The following PDE9A variants were observed in gnomAD, a reference collection of about 807,000 sequenced individuals.
PDE9A encodes the protein high affinity cGMP-specific 3',5'-cyclic phosphodiesterase 9A.
Under a neutral mutation model 87.4 loss-of-function variants are expected in PDE9A, and 60 were observed. The observed-to-expected ratio is 0.69, with a 90% CI of 0.56 to 0.85. The LOEUF (loss-of-function observed/expected upper bound fraction) is 0.85, where lower values mean the gene tolerates loss of function less well. Among genes scored for constraint, PDE9A ranks in the 40% least tolerant of loss-of-function variants. The pLI is 0.00. For synonymous variants in PDE9A, 272 were observed against 279.4 expected, an observed-to-expected ratio of 0.97 and a Z score of 0.27; for missense variants, 665 against 779.0, an observed-to-expected ratio of 0.85 and a Z score of 1.74.
chr21:42,697,025 C>T (rs2060178186), intron 3 of PDE9A, among the ~76,000 whole-genome samples: 1 of 152,196 alleles, frequency 6.6e-6, no homozygotes, highest in South Asian at 2.1e-4. Context: ...TGAGGCAGGG[C>T]CTCTCCTGAG....
chr21:42,684,105 C>G (rs2059314809), intron 1 of PDE9A, among the ~76,000 whole-genome samples: 1 of 152,238 alleles, frequency 6.6e-6, no homozygotes, highest in African/African-American at 2.4e-5. Context: ...AGGGCCCAAC[C>G]CGGACCCACT....
chr21:42,658,492 C>CT (rs1329431219), intron 1 of PDE9A, among the ~76,000 whole-genome samples: 1 of 152,240 alleles, frequency 6.6e-6, no homozygotes, highest in Non-Finnish European at 1.5e-5. Context: ...TACCCGGCTC[C>CT]TGCGTGCCTT....
At chr21:42,732,010 T>C (rs532483365) in intron 5 of PDE9A, 60 bp from the exon 6 acceptor site, 2 of 1,611,974 alleles carry the variant, frequency 1.2e-6, no homozygotes, top group Middle Eastern at 1.7e-4. Context: ...CGGGCTGCAA[T>C]GGCCTACACA....
At chr21:42,742,656 A>G (rs113279197) in intron 7 of PDE9A, among the ~76,000 whole-genome samples, 3 of 151,938 alleles carry the variant, frequency 2.0e-5, no homozygotes, top group African/African-American at 4.8e-5. Context: ...TAGTAGAGAC[A>G]GGGTTTCACT....
At chr21:42,747,463 C>T (rs1333260081) in intron 8 of PDE9A, among the ~76,000 whole-genome samples, 5 of 152,244 alleles carry the variant, frequency 3.3e-5, no homozygotes. Context: ...TGTGGAGCTA[C>T]ATTCAGCCCA....
At chr21:42,685,483 T>TTTTTTTTTTTTA (rs71190435) in intron 1 of PDE9A, among the ~76,000 whole-genome samples, 2 of 149,966 alleles carry the variant, frequency 1.3e-5, no homozygotes, top group African/African-American at 4.9e-5. Flanking sequence ...TTTTTTTTTT[T>TTTTTTTTTTTTA]GAGACGGAGT....
chr21:42,707,532 A>C (rs993238464), intron 4 of PDE9A, among the ~76,000 whole-genome samples: 1 of 152,110 alleles, frequency 6.6e-6, no homozygotes, highest in African/African-American at 2.4e-5. Context: ...CCTGTACATC[A>C]ACTCACCCTC....
At position 42,722,196 on chromosome 21, in the gene PDE9A, T is replaced by C. The variant is rs1335545187; in HGVS notation, c.263-9574T>C. On this transcript the variant is annotated intron_variant, in intron 4 of 19. Transcript: ENST00000291539. This position sits in a 1 kb window ranked among gnomAD's most constrained non-coding sequence, Gnocchi z 4.1. ...TTTCACCATGTTGGCCAGGATGGTC[T>C]TGAACTTCTGACCTCATGATCCGCC... 6.6e-6 allele frequency among the ~76,000 whole-genome samples: 1 copy of C among 152,168 alleles called. No individual in the cohort carries two copies. Among genetic ancestry groups the C allele is most frequent in the Non-Finnish European group, 1.5e-5 (1 of 68,026 alleles).
At chr21:42,711,232 T>C (rs2049306482) in intron 4 of PDE9A, among the ~76,000 whole-genome samples, 1 of 151,928 alleles carries the variant, frequency 6.6e-6, no homozygotes, top group Non-Finnish European at 1.5e-5. Context: ...TGGTCAGTAC[T>C]TCTTGTGTCT....
At chr21:42,670,578 C>T (rs369781656) in intron 1 of PDE9A, among the ~76,000 whole-genome samples, 2 of 151,706 alleles carry the variant, frequency 1.3e-5, no homozygotes, top group Admixed American at 6.6e-5. Flanking sequence ...ACACACACCA[C>T]ATACACGCAT....
At chr21:42,740,568 T>C (rs1166128333) in intron 7 of PDE9A, among the ~76,000 whole-genome samples, 2 of 149,366 alleles carry the variant, frequency 1.3e-5, no homozygotes, top group Admixed American at 6.7e-5. Flanking sequence ...ATATGATGAA[T>C]GCATAGATGG....
intron 1 of PDE9A, among the ~76,000 whole-genome samples, chr21:42,656,449 A>G (rs1054865298): frequency 2.0e-4 from 31 of 152,346 alleles, no homozygotes; most frequent in Admixed American, 1.8e-3. Flanking sequence ...GTGCTCCGGC[A>G]AAGCTCCAGG....
At chr21:42,669,851 G>A (rs1054369412) in intron 1 of PDE9A, among the ~76,000 whole-genome samples, 3 of 152,160 alleles carry the variant, frequency 2.0e-5, no homozygotes, top group Admixed American at 6.5e-5. Flanking sequence ...GGATAATGAG[G>A]GACAGAGCTG....
At chr21:42,765,610 G>A in intron 15 of PDE9A, 116 bp downstream of exon 15, 2 of 718,440 alleles carry the variant, frequency 2.8e-6, no homozygotes, top group Non-Finnish European at 5.1e-6. Flanking sequence ...CTTGGAACAA[G>A]GTGTCTATAA....
chr21:42,685,465 G>GTTTTTTTTT (rs1555908731), intron 1 of PDE9A, among the ~76,000 whole-genome samples: 2 of 87,780 alleles, frequency 2.3e-5, no homozygotes, highest in Admixed American at 9.7e-5. Flanking sequence ...CCGAAAGGCA[G>GTTTTTTTTT]TCTTTTTTTT....
At chr21:42,740,638 G>T (rs1239975349) in intron 7 of PDE9A, among the ~76,000 whole-genome samples, 1 of 150,204 alleles carries the variant, frequency 6.7e-6, no homozygotes, top group Non-Finnish European at 1.5e-5. Flanking sequence ...TGGATACATA[G>T]ATGAATGGAT....
chr21:42,754,835 G>A (rs534550018), intron 10 of PDE9A, among the ~76,000 whole-genome samples: 7 of 152,112 alleles, frequency 4.6e-5, no homozygotes, highest in Non-Finnish European at 1.0e-4. Context: ...TGATTGTGAG[G>A]CCTCCGCAGC....
chr21:42,760,207 C>A lies in PDE9A; in HGVS notation c.898-121C>A. 1.5e-6 allele frequency: 1 copy of A among 664,100 alleles called. No homozygotes were observed. 41.1% of individuals were successfully genotyped at this position (664,100 alleles called of 1,614,324 possible). On this transcript the variant is annotated intron_variant, in intron 11 of 19. Transcript: ENST00000291539. The surrounding 1 kb of genome is among the most constrained non-coding windows in gnomAD (Gnocchi z 5.2). ...GGTAAACCTGGAACACTGTTGACCTCTGGTTGGGATGAGGGTTTGGCAGAG... is the reference window on the plus strand; with the variant it reads ...GGTAAACCTGGAACACTGTTGACCTATGGTTGGGATGAGGGTTTGGCAGAG...
intron 1 of PDE9A, among the ~76,000 whole-genome samples, chr21:42,672,731 C>T (rs1245833554): frequency 1.3e-5 from 2 of 152,202 alleles, no homozygotes; most frequent in African/African-American, 2.4e-5. Flanking sequence ...TCATCCGACG[C>T]GGTTGATCTT....
Sources: allele counts gnomAD v4.1 joint callset (sites outside exome capture counted in the v4.1 genomes callset), GRCh38; gene constraint gnomAD v4.1.1; non-coding constraint Gnocchi (gnomAD v3.1); transcripts MANE v1.5; gene names NCBI Gene and HGNC (gene_info 2026-07-23, HGNC 2026-07-21).